Variants in SRCAP observed in about 807,000 individuals in gnomAD.
The protein encoded by SRCAP is Snf2 related CREBBP activator protein.
Under a neutral mutation model 263.1 loss-of-function variants are expected in SRCAP, and 46 were observed. The observed-to-expected ratio is 0.17, with a 90% confidence interval of 0.14 to 0.22. SRCAP has a LOEUF of 0.22. SRCAP is among the 10% of genes least tolerant of loss of function. The pLI is 1.00. For missense variants in SRCAP, 3,695 were observed against 4,181.9 expected (o/e 0.88, Z 3.21); for synonymous variants, 1,813 against 1,662.1 (o/e 1.09, Z -2.21).
intron 3 of SRCAP, among the ~76,000 whole-genome samples, chr16:30,702,697 T>C (rs2052781977): frequency 6.8e-6 from 1 of 147,502 alleles, no homozygotes; most frequent in East Asian, 2.0e-4. Context: ...AACCTCTGCC[T>C]CCTGGTTCAA....
At chr16:30,707,871 T>C (rs2052844908) in intron 6 of SRCAP, among the ~76,000 whole-genome samples, 159 bp downstream of exon 6, 1 of 152,228 alleles carries the variant, frequency 6.6e-6, no homozygotes, top group Admixed American at 6.5e-5. Context: ...TGGCAAAATA[T>C]GGGTCCTGCC....
intron 33 of SRCAP, 62 bp downstream of exon 33, chr16:30,736,686 T>C: frequency 6.4e-7 from 1 of 1,564,574 alleles, no homozygotes; most frequent in Non-Finnish European, 8.8e-7. Context: ...TCTTTTCTCT[T>C]TTTTTTGAGA....
rs1224590144 is a variant in SRCAP at position 30,709,707 on chromosome 16, A to C, written c.828A>C (p.Pro276=). 2 of 1,613,046 alleles carry C rather than the reference A, an allele frequency of 1.2e-6. No homozygotes were observed. The highest frequency in any genetic ancestry group is 3.3e-5 in the Admixed American group (2 of 59,914). ...LGSSSAASSP[P]PPASRLDDED... Reference sequence around the variant, plus strand: ...CTTCCTCAGCTGCCTCCAGTCCTCCACCCCCTGCTTCTCGCCTGGATGATG... The same window carrying C: ...CTTCCTCAGCTGCCTCCAGTCCTCCCCCCCCTGCTTCTCGCCTGGATGATG... The change falls in exon 7 of 34, where the codon CCA becomes CCC. Residue 276 remains proline, a synonymous_variant. Coordinates refer to ENST00000262518, the MANE Select transcript of SRCAP (RefSeq NM_006662.3).
Position 30,716,469 on chromosome 16 carries a change from A to G in SRCAP, c.2807A>G (p.His936Arg). The change falls in exon 18 of 34, where the codon CAT becomes CGT. Residue 936 changes from histidine to arginine, a missense_variant. His to Arg is a conservative substitution (Grantham distance 29). Transcript: ENST00000262518. ...CTGGTGCTAAGGGCCACGGATGTCCATCCCCTCCAGGTAAGTATGATTCCA... is the reference window on the plus strand; with the variant it reads ...CTGGTGCTAAGGGCCACGGATGTCCGTCCCCTCCAGGTAAGTATGATTCCA... ...ASLVLRATDVHPLQRIDMGRF... is the reference protein window; with the variant it reads ...ASLVLRATDVRPLQRIDMGRF... 6.2e-7 allele frequency: 1 copy of G among 1,612,718 alleles called. No individual in the cohort carries two copies. Among genetic ancestry groups the G allele is most frequent in the Non-Finnish European group, 8.5e-7 (1 of 1,179,398 alleles).
In SRCAP at chr16:30,707,626, G is replaced by T; in HGVS notation, c.547G>T (p.Ala183Ser). The T allele has an allele frequency of 6.2e-7, 1 of 1,614,164 alleles. No homozygotes were observed. Among genetic ancestry groups the T allele is most frequent in the Non-Finnish European group, 8.5e-7 (1 of 1,180,034 alleles). The change falls in exon 6 of 34, where the codon GCC (alanine) becomes TCC (serine). Residue 183 changes from alanine (A) to serine (S), a missense_variant. This residue lies in a region of SRCAP where 107 missense variants were observed against 223.8 expected (regional missense o/e 0.48). Coordinates refer to ENST00000262518, the MANE Select transcript of SRCAP (RefSeq NM_006662.3). The part of the protein sequence containing the change: ...HEEQRQKEER[A>S]RREEQAKLRR... ...GGAGCAGCGGCAGAAAGAGGAACGG[G>T]CCCGGAGGGAGGAGCAGGCCAAGCT...
intron 27 of SRCAP, among the ~76,000 whole-genome samples, chr16:30,730,408 A>G (rs543549409): frequency 1.3e-5 from 2 of 152,156 alleles, no homozygotes; most frequent in East Asian, 3.9e-4. Flanking sequence ...CGATATTTTC[A>G]GGGACCAGGA....
intron 18 of SRCAP, 27 bp downstream of exon 18, chr16:30,716,506 T>A: frequency 1.3e-6 from 2 of 1,586,210 alleles, no homozygotes; most frequent in Non-Finnish European, 1.7e-6. Flanking sequence ...TAATATGAAA[T>A]GTAAAGGTTA....
rs761858529 is a variant in SRCAP at position 30,737,179 on chromosome 16, G to A, written c.7139G>A (p.Arg2380Gln). The A allele has an allele frequency of 1.2e-6, 2 of 1,613,926 alleles. No individual in the cohort carries two copies. The highest frequency in any genetic ancestry group is 1.7e-5 in the Admixed American group (1 of 59,984). ...TGTGGGACTGGTGGAGGCACCCACC[G>A]GCGCAGTAAAAAGGCCAAAGCCCCT... is the stretch of plus-strand genomic sequence containing the variant. ...SSCGTGGGTH[R>Q]RSKKAKAPER... The change falls in exon 34 of 34, where the codon CGG (arginine) becomes CAG (glutamine). Residue 2380 changes from arginine to glutamine, a missense_variant. This residue lies in a region of SRCAP where 1,207 missense variants were observed against 1,142.9 expected (regional missense o/e 1.06). Coordinates refer to ENST00000262518, the MANE Select transcript of SRCAP (RefSeq NM_006662.3).
Position 30,724,036 on chromosome 16 carries a change from A to T in SRCAP, c.4612A>T (p.Asn1538Tyr), listed in dbSNP as rs775934387. Residue 1538 changes from asparagine to tyrosine, a missense_variant, in exon 25 of 34, where the codon AAC (asparagine) becomes TAC (tyrosine). Physicochemically the swap from Asn to Tyr is moderately radical, Grantham distance 143. This residue lies in a region of SRCAP where 1,347 missense variants were observed against 1,304.4 expected (regional missense o/e 1.03). Coordinates refer to ENST00000262518, the MANE Select transcript of SRCAP (RefSeq NM_006662.3). ...APTSSHVPGL[N>Y]STVAPACSPV... The stretch of plus-strand genomic sequence containing the variant: ...CACCTCTTCACATGTTCCAGGGTTG[A>T]ACTCAACCGTGGCCCCAGCATGCTC... 1 of 1,613,714 alleles carries T rather than the reference A, an allele frequency of 6.2e-7. No individual in the cohort carries two copies. The highest frequency in any genetic ancestry group is 8.5e-7 in the Non-Finnish European group (1 of 1,179,988).
intron 25 of SRCAP, among the ~76,000 whole-genome samples, chr16:30,728,298 T>TA: frequency 6.6e-6 from 1 of 152,224 alleles, no homozygotes; most frequent in Non-Finnish European, 1.5e-5. Flanking sequence ...GTGTAGTGGA[T>TA]AGATATTAGT....
At chr16:30,713,891 A>T (rs1232168173) in intron 16 of SRCAP, among the ~76,000 whole-genome samples, 180 bp downstream of exon 16, 1 of 137,144 alleles carries the variant, frequency 7.3e-6, no homozygotes, top group African/African-American at 2.5e-5. Flanking sequence ...CATCTTAGTC[A>T]TCAATTCTGT....
At chr16:30,735,567 C>CTTTTTTTT in intron 31 of SRCAP, among the ~76,000 whole-genome samples, 69 of 69,588 alleles carry the variant, frequency 9.9e-4, no homozygotes, top group East Asian at 1.3e-3. Context: ...TTTGACATTA[C>CTTTTTTTT]TTTTTTTTTT....
At chr16:30,700,475 T>C (rs2052753951) in intron 2 of SRCAP, 141 bp from the exon 3 acceptor site, 1 of 219,234 alleles carries the variant, frequency 4.6e-6, no homozygotes. Flanking sequence ...AAGTATCTTA[T>C]ACATAGTAAG....
intron 14 of SRCAP, 46 bp from the exon 15 acceptor site, chr16:30,713,162 T>C (rs1203575860): frequency 1.9e-6 from 3 of 1,589,254 alleles, no homozygotes; most frequent in South Asian, 2.2e-5. Context: ...CTTTGCTCTC[T>C]TCTTTTCATC....
intron 23 of SRCAP, 102 bp from the exon 24 acceptor site, chr16:30,722,861 T>C: frequency 6.5e-7 from 1 of 1,547,672 alleles, no homozygotes; most frequent in Non-Finnish European, 8.7e-7. Context: ...TGCGAATATC[T>C]ATGATACCTG....
At position 30,711,749 on chromosome 16, in the gene SRCAP, A is replaced by G. The variant is rs770100562; in HGVS notation, c.1492+5A>G. ...AGGATAGTAGCAGTCAGTCAGGTGA[A>G]TATGTGGTCATGAAGCAGGAGCTGG... On this transcript the variant is annotated splice_donor_5th_base_variant and intron_variant, in intron 11 of 33. Transcript: ENST00000262518. 1.2e-5 allele frequency: 19 copies of G among 1,611,782 alleles called. No homozygotes were observed. The East Asian group carries it at 2.0e-4, about 17-fold the overall frequency.
chr16:30,724,872 A>C lies in SRCAP; in HGVS notation c.5448A>C (p.Pro1816=), dbSNP rs768345237. The C allele has an allele frequency of 6.2e-7, 1 of 1,614,158 alleles. No individual in the cohort carries two copies. Among genetic ancestry groups the C allele is most frequent in the South Asian group, 1.1e-5 (1 of 91,084 alleles). ...LALAPASTQS[P]ASQASSLVVS... is the part of the protein sequence containing the mutation. ...TGGCCCCAGCCTCCACACAGTCCCC[A>C]GCTTCCCAGGCATCTTCCCTTGTGG... The change falls in exon 25 of 34, where the codon CCA becomes CCC. Residue 1816 remains proline, a synonymous_variant. Transcript: ENST00000262518.
rs1410204398 is a variant in SRCAP at position 30,739,583 on chromosome 16, G to A, written c.9543G>A (p.Glu3181=). ...ESEAEASGEE[E]EGDGTPRRRP... The stretch of plus-strand genomic sequence containing the variant: ...AGGCTGAAGCCTCAGGTGAGGAGGA[G>A]GAAGGGGATGGGACCCCACGCCGAC... The change falls in exon 34 of 34, where the codon GAG becomes GAA. Residue 3181 remains glutamate (E), a synonymous_variant. Transcript: ENST00000262518. 8 of 1,603,634 alleles carry A rather than the reference G, an allele frequency of 5.0e-6. No homozygotes were observed. The highest frequency in any genetic ancestry group is 6.8e-6 in the Non-Finnish European group (8 of 1,175,524).
Position 30,699,259 on chromosome 16 carries a change from G to A in SRCAP, c.-284+17G>A, listed in dbSNP as rs1192663832. The A allele has an allele frequency of 7.5e-6, 3 of 398,556 alleles. No homozygotes were observed. The highest frequency in any genetic ancestry group is 1.3e-5 in the Non-Finnish European group (3 of 226,114). The allele number at this position is 398,556 out of a possible 1,614,324, so 24.7% of individuals were successfully genotyped here. A position where few individuals can be genotyped will look rare whatever the true frequency, so the allele number is the denominator to read the frequency against. On this transcript the variant is annotated intron_variant, in intron 1 of 33. Coordinates refer to ENST00000262518, the MANE Select transcript of SRCAP (RefSeq NM_006662.3). ...TGGCTTCTGGTGAGCTCGGGTCTTG[G>A]GAACGTGTGGCGGAGTAGGGAGTGA...
Sources: gnomAD v4.1 joint callset for allele counts (sites outside exome capture counted in the v4.1 genomes callset) on GRCh38, gnomAD v4.1.1 for gene constraint, gnomAD v4.1.1 regional missense constraint, MANE v1.5 for transcripts, NCBI Gene and HGNC (gene_info 2026-07-23, HGNC 2026-07-21) for gene names.